Variants in UNC45B observed in about 807,000 individuals in gnomAD.
UNC45B encodes the protein protein unc-45 homolog B.
A neutral mutation model predicts 98.7 loss-of-function variants in UNC45B; 78 were observed. The observed-to-expected ratio is 0.79, with a 90% CI of 0.66 to 0.95. The LOEUF is 0.95. UNC45B is among the 40% of genes least tolerant of loss of function. UNC45B has a pLI of 0.00. For missense variants in UNC45B, 1,225 were observed against 1,184.9 expected (o/e 1.03, Z -0.50); for synonymous variants, 462 against 480.4 (o/e 0.96, Z 0.50).
At position 35,188,358 on chromosome 17, in the gene UNC45B, C is replaced by G. The variant is rs906276619; in HGVS notation, c.*1799C>G. 4 of 152,052 alleles carry G rather than the reference C, an allele frequency of 2.6e-5. No individual in the cohort carries two copies. Among genetic ancestry groups the G allele is most frequent in the Non-Finnish European group, 4.4e-5 (3 of 68,030 alleles). 9.4% of individuals were successfully genotyped at this position (152,052 alleles called of 1,614,324 possible). A position where few individuals can be genotyped will look rare whatever the true frequency, so the allele number is the denominator to read the frequency against. ...GTATTTAGCTCCTTTAAAGGAAACT[C>G]TTTCACAGGCAGGGCCACACTCTTA... On this transcript the variant is annotated 3_prime_UTR_variant, in exon 20 of 20. Coordinates refer to ENST00000394570, the MANE Select transcript of UNC45B (RefSeq NM_001267052.2).
chr17:35,177,362 G>C, intron 16 of UNC45B, 133 bp from the exon 17 acceptor site: 1 of 727,398 alleles, frequency 1.4e-6, no homozygotes. Context: ...TGCCTGTCAG[G>C]ATCATTGTGA....
intron 9 of UNC45B, among the ~76,000 whole-genome samples, chr17:35,167,678 A>G (rs1335368630): frequency 6.6e-6 from 1 of 151,780 alleles, no homozygotes; most frequent in African/African-American, 2.4e-5. Context: ...AGGGTCTTCC[A>G]GCTCCAGAAC....
chr17:35,165,151 A>G (rs925019787), intron 9 of UNC45B, among the ~76,000 whole-genome samples: 7 of 152,062 alleles, frequency 4.6e-5, no homozygotes, highest in Non-Finnish European at 8.8e-5. Context: ...GGCATCAACT[A>G]CCTTGCCCAG....
intron 19 of UNC45B, among the ~76,000 whole-genome samples, chr17:35,185,923 C>A (rs1007177624): frequency 6.6e-6 from 1 of 152,052 alleles, no homozygotes; most frequent in African/African-American, 2.4e-5. Context: ...TGGTTCACAG[C>A]TCAGGAGGGT....
At chr17:35,186,251 G>A in intron 19 of UNC45B, 48 bp from the exon 20 acceptor site, 9 of 1,599,290 alleles carry the variant, frequency 5.6e-6, no homozygotes, top group East Asian at 2.2e-5. Context: ...TGAACTCTGG[G>A]GACACACTCA....
At chr17:35,149,605 C>A (rs1262659503) in intron 3 of UNC45B, among the ~76,000 whole-genome samples, 1 of 152,154 alleles carries the variant, frequency 6.6e-6, no homozygotes, top group South Asian at 2.1e-4. Flanking sequence ...TTAGTAGAGA[C>A]AAGGTTTCGC....
chr17:35,187,376 T>C lies in UNC45B; in HGVS notation c.*817T>C, dbSNP rs530153968. 6.6e-6 allele frequency: 1 copy of C among 152,224 alleles called. No homozygotes were observed. The highest frequency in any genetic ancestry group is 6.5e-5 in the Admixed American group (1 of 15,304). The allele number at this position is 152,224 out of a possible 1,614,324, so 9.4% of individuals were successfully genotyped here. A position where few individuals can be genotyped will look rare whatever the true frequency, so the allele number is the denominator to read the frequency against. ...TTTTATTTATTATAGGTTTGTCTCATTCCCTGGCAGGCTCTCTCCCTGTGA... is the reference window on the plus strand; with the variant it reads ...TTTTATTTATTATAGGTTTGTCTCACTCCCTGGCAGGCTCTCTCCCTGTGA... On this transcript the variant is annotated 3_prime_UTR_variant, in exon 20 of 20. Transcript: ENST00000394570.
chr17:35,159,969 AT>A (rs2092091261), intron 8 of UNC45B, among the ~76,000 whole-genome samples: 1 of 152,226 alleles, frequency 6.6e-6, no homozygotes, highest in Admixed American at 6.5e-5. Flanking sequence ...GTCTCAATCA[AT>A]TTAGAAGTTT....
At chr17:35,161,790 A>G (rs2092104254) in intron 8 of UNC45B, among the ~76,000 whole-genome samples, 1 of 152,082 alleles carries the variant, frequency 6.6e-6, no homozygotes, top group Admixed American at 6.5e-5. Context: ...ATGCAATTAC[A>G]GGATTGGAAC....
chr17:35,161,538 A>T (rs2092102577), intron 8 of UNC45B, among the ~76,000 whole-genome samples: 1 of 152,062 alleles, frequency 6.6e-6, no homozygotes, highest in Admixed American at 6.5e-5. Context: ...CAGGCTGGGG[A>T]GTCTGTGTTG....
intron 17 of UNC45B, among the ~76,000 whole-genome samples, chr17:35,177,998 G>C (rs2092248137): frequency 6.6e-6 from 1 of 151,966 alleles, no homozygotes; most frequent in Non-Finnish European, 1.5e-5. Context: ...CTCCAGGGCT[G>C]AAGCTATTTT....
rs993534554 is a variant in UNC45B, at chr17:35,152,881, C to T, written c.382-12C>T. 3.1e-6 allele frequency: 5 copies of T among 1,612,792 alleles called. No individual in the cohort carries two copies. Among genetic ancestry groups the T allele is most frequent in the East Asian group, 2.2e-5 (1 of 44,890 alleles). On this transcript the variant is annotated splice_polypyrimidine_tract_variant and intron_variant, in intron 4 of 19. Transcript: ENST00000394570. ...CACCTGCCTCCTTCCCCACTCCCTC[C>T]TCTCTCCTCAGCTCCGAGTGCAGTT... is the stretch of plus-strand genomic sequence containing the variant.
chr17:35,155,523 A>G (rs2092054247), intron 7 of UNC45B, 59 bp downstream of exon 7: 8 of 1,561,646 alleles, frequency 5.1e-6, no homozygotes, highest in South Asian at 4.6e-5. Context: ...GTCAGTTGCT[A>G]CCTCAGACTG....
chr17:35,179,327 G>C (rs2092257664), intron 17 of UNC45B, among the ~76,000 whole-genome samples: 1 of 152,102 alleles, frequency 6.6e-6, no homozygotes, highest in African/African-American at 2.4e-5. Context: ...GTTGTGAATG[G>C]GAGTTCACTC....
chr17:35,169,322 G>A (rs533776719), intron 10 of UNC45B, among the ~76,000 whole-genome samples: 12 of 152,182 alleles, frequency 7.9e-5, no homozygotes, highest in African/African-American at 1.2e-4. Context: ...GATTACAGGC[G>A]TGAGCCACCG....
intron 4 of UNC45B, chr17:35,151,235 C>T: frequency 3.7e-6 from 1 of 273,170 alleles, no homozygotes. Flanking sequence ...CAGCGGGTCG[C>T]CACGTCTGAT....
Position 35,155,398 on chromosome 17 carries a change from A to C in UNC45B, c.742A>C (p.Ile248Leu), listed in dbSNP as rs758086795. 9.9e-6 allele frequency: 16 copies of C among 1,614,066 alleles called. No individual in the cohort carries two copies. In the African/African-American group the frequency reaches 2.1e-4, roughly 22 times the overall value. The change falls in exon 7 of 20, where the codon ATC becomes CTC. Residue 248 changes from isoleucine (I) to leucine (L), a missense_variant. Ile to Leu is a conservative substitution (Grantham distance 5). Coordinates refer to ENST00000394570, the MANE Select transcript of UNC45B (RefSeq NM_001267052.2). ...SLAVCNLLQA[I>L]IDSLSGEDKR... ...GGCTGTCTGCAACCTGCTCCAAGCCATCATTGACTCCTTGTCTGGGGAGGA... is the reference window on the plus strand; with the variant it reads ...GGCTGTCTGCAACCTGCTCCAAGCCCTCATTGACTCCTTGTCTGGGGAGGA...
intron 3 of UNC45B, 80 bp downstream of exon 3, chr17:35,149,089 G>T: frequency 1.3e-6 from 2 of 1,547,608 alleles, no homozygotes; most frequent in Non-Finnish European, 1.8e-6. Flanking sequence ...TACCATTTTG[G>T]GGGAAGAAAC....
Position 35,180,675 on chromosome 17 carries a change from A to G in UNC45B, c.2372A>G (p.Glu791Gly). The change falls in exon 18 of 20, where the codon GAG becomes GGG. Residue 791 changes from glutamate to glycine, a missense_variant and splice_region_variant. Physicochemically the swap from Glu to Gly is moderately conservative, Grantham distance 98. Coordinates refer to ENST00000394570, the MANE Select transcript of UNC45B (RefSeq NM_001267052.2). Reference sequence around the variant, plus strand: ...ATGTGCAACATGGTGCTCCACAAGGAGGTGAGGCAGGGGCTCAGGATGGAG... The same window carrying G: ...ATGTGCAACATGGTGCTCCACAAGGGGGTGAGGCAGGGGCTCAGGATGGAG... ...ECMCNMVLHK[E>G]VQERFLADGN... 1 of 1,612,186 alleles carries G rather than the reference A, an allele frequency of 6.2e-7. No individual in the cohort carries two copies. Among genetic ancestry groups the G allele is most frequent in the Middle Eastern group, 1.7e-4 (1 of 5,742 alleles).
Sources: gnomAD v4.1 joint callset for allele counts (sites outside exome capture counted in the v4.1 genomes callset) on GRCh38, gnomAD v4.1.1 for gene constraint, MANE v1.5 for transcripts, NCBI Gene and HGNC (gene_info 2026-07-23, HGNC 2026-07-21) for gene names.